The following CPOX variants were observed in gnomAD, a reference collection of about 807,000 sequenced individuals.
CPOX encodes the protein coproporphyrinogen oxidase, also known as oxygen-dependent coproporphyrinogen-III oxidase, mitochondrial.
In CPOX, 24 loss-of-function variants were observed where a neutral mutation model predicts 48.9. The ratio of observed to expected loss-of-function variants is 0.49; its 90% CI spans 0.36 to 0.69. The LOEUF (loss-of-function observed/expected upper bound fraction) is 0.69. CPOX is among the 30% of genes least tolerant of loss of function. The pLI is 0.00. For missense variants in CPOX, 549 were observed against 597.3 expected, an observed-to-expected ratio of 0.92 and a Z score of 0.84; for synonymous variants, 249 against 234.6, an observed-to-expected ratio of 1.06 and a Z score of -0.56.
downstream of CPOX, among the ~76,000 whole-genome samples, chr3:98,576,560 T>C (rs1238826082): frequency 6.6e-6 from 1 of 152,226 alleles, no homozygotes; most frequent in Non-Finnish European, 1.5e-5. Flanking sequence ...TACAAGGGAA[T>C]TTAGTCAAGC....
In CPOX at chr3:98,593,444, A is replaced by C; in HGVS notation, c.61T>G (p.Cys21Gly). Residue 21 changes from cysteine to glycine, a missense_variant, in exon 1 of 7, where the codon TGC (cysteine) becomes GGC (glycine). Transcript: ENST00000647941. The part of the protein sequence containing the change: ...GPCWLVARGG[C>G]GGPRAWSQCG... ...TGGGACCAGGCGCGGGGCCCTCCGC[A>C]GCCGCCCCGCGCCACGAGCCAGCAG... The C allele has an allele frequency of 6.7e-7, 1 of 1,489,118 alleles. No homozygotes were observed. The highest frequency in any genetic ancestry group is 8.9e-7 in the Non-Finnish European group (1 of 1,126,160). The allele number at this position is 1,489,118 out of a possible 1,614,324, so 92.2% of individuals were successfully genotyped here.
intron 4 of CPOX, 90 bp downstream of exon 4, chr3:98,588,623 G>A: frequency 7.4e-7 from 1 of 1,357,290 alleles, no homozygotes; most frequent in Non-Finnish European, 1.1e-6. Flanking sequence ...ATTTTCATAA[G>A]CAGAAGAGGG....
At chr3:98,584,404 C>G (rs116091194) in intron 5 of CPOX, among the ~76,000 whole-genome samples, 5,832 of 152,190 alleles carry the variant, frequency 0.038, 337 homozygotes, top group African/African-American at 0.13. Flanking sequence ...TTCCAAAATA[C>G]ATGCATTCTT....
chr3:98,585,761 C>A, intron 4 of CPOX, 102 bp from the exon 5 acceptor site: 1 of 900,226 alleles, frequency 1.1e-6, no homozygotes, highest in Non-Finnish European at 1.8e-6. Flanking sequence ...CAACTAATGT[C>A]AGGATGGTGT....
At chr3:98,578,415 C>CA (rs1707193002), downstream of CPOX, 1 of 162,350 alleles carries the variant, frequency 6.2e-6, no homozygotes, top group Admixed American at 6.5e-5. Flanking sequence ...TTGATCTGAA[C>CA]ATTTGTTCCT....
chr3:98,581,051 A>G (rs2107113329), intron 6 of CPOX, among the ~76,000 whole-genome samples: 1 of 152,266 alleles, frequency 6.6e-6, no homozygotes, highest in Middle Eastern at 3.4e-3. Context: ...CATATAGTGT[A>G]GAAACTCAGG....
downstream of CPOX, among the ~76,000 whole-genome samples, chr3:98,574,689 C>T (rs1707133934): frequency 6.6e-6 from 1 of 152,208 alleles, no homozygotes; most frequent in Admixed American, 6.5e-5. Context: ...TCAAGCGATT[C>T]TCCTGCCTCA....
At chr3:98,586,706 A>C (rs1160328108) in intron 4 of CPOX, among the ~76,000 whole-genome samples, 1 of 152,096 alleles carries the variant, frequency 6.6e-6, no homozygotes, top group Non-Finnish European at 1.5e-5. Flanking sequence ...GCACTTTGGG[A>C]GGCCGAGGCA....
In CPOX at chr3:98,580,514, T is replaced by C. The variant is rs73858716; in HGVS notation, c.*169A>G. 2.9e-4 allele frequency: 425 copies of C among 1,463,698 alleles called. No individual in the cohort carries two copies. In the African/African-American group the frequency reaches 4.3e-3, roughly 15 times the overall value. The allele number at this position is 1,463,698 out of a possible 1,614,324, so 90.7% of individuals were successfully genotyped here. A position where few individuals can be genotyped will look rare whatever the true frequency, so the allele number is the denominator to read the frequency against. Reference sequence around the variant, plus strand: ...CTCTGACAATCTGCCATCTCACCATTCATCACTGACAGCATCCAAAACATG... The same window carrying C: ...CTCTGACAATCTGCCATCTCACCATCCATCACTGACAGCATCCAAAACATG... On this transcript the variant is annotated 3_prime_UTR_variant, in exon 7 of 7. Transcript: ENST00000647941.
At chr3:98,578,724 A>G (rs531176672), downstream of CPOX, among the ~76,000 whole-genome samples, 32 of 152,322 alleles carry the variant, frequency 2.1e-4, no homozygotes, top group African/African-American at 7.5e-4. Context: ...TTCACTTGGC[A>G]TAATGTTTCT....
Position 98,592,989 on chromosome 3 carries a change from C to T in CPOX, c.516G>A (p.Gly172=). 6.2e-7 allele frequency: 1 copy of T among 1,613,774 alleles called. No individual in the cohort carries two copies. The highest frequency in any genetic ancestry group is 8.5e-7 in the Non-Finnish European group (1 of 1,179,902). ...QVCQALAQVD[G]GANFSVDRWE... ...ACCGGTCCACAGAAAAGTTGGCGCC[C>T]CCGTCTACCTGTGCCAGAGCCTGGC... Residue 172 remains glycine, a synonymous_variant, in exon 1 of 7, where the codon GGG becomes GGA. Coordinates refer to ENST00000647941, the MANE Select transcript of CPOX (RefSeq NM_000097.7).
intron 5 of CPOX, among the ~76,000 whole-genome samples, chr3:98,581,960 T>C (rs909342249): frequency 1.3e-5 from 2 of 152,206 alleles, no homozygotes; most frequent in Non-Finnish European, 2.9e-5. Flanking sequence ...GGTGTAAAAC[T>C]TCTGACCTGA....
At position 98,579,854 on chromosome 3, in the gene CPOX, T is replaced by C. The variant is rs368611278; in HGVS notation, c.*829A>G. 1.0e-5 allele frequency: 10 copies of C among 985,408 alleles called. No individual in the cohort carries two copies. The African/African-American group carries it at 1.7e-4, about 17-fold the overall frequency. The allele number at this position is 985,408 out of a possible 1,614,324, so 61.0% of individuals were successfully genotyped here. ...CATTTTCCAAATGAGAAACATTGCC[T>C]AAATTCATGACATCCCTAGGATTAT... On this transcript the variant is annotated 3_prime_UTR_variant, in exon 7 of 7. Transcript: ENST00000647941.
chr3:98,574,903 A>G (rs116110550), downstream of CPOX, among the ~76,000 whole-genome samples: 4,287 of 152,284 alleles, frequency 0.028, 102 homozygotes, highest in East Asian at 0.1. Context: ...ATTAATTTAA[A>G]TGGTCTTTGA....
intron 4 of CPOX, among the ~76,000 whole-genome samples, chr3:98,587,955 G>A (rs1707397956): frequency 6.6e-6 from 1 of 152,150 alleles, no homozygotes. Flanking sequence ...CCATGGCTGT[G>A]TAGTTTTCAG....
intron 3 of CPOX, 21 bp from the exon 4 acceptor site, chr3:98,588,875 A>T: frequency 6.2e-7 from 1 of 1,614,066 alleles, no homozygotes; most frequent in Non-Finnish European, 8.5e-7. Flanking sequence ...AAGACATGGG[A>T]TTCTAATGTG....
chr3:98,582,674 G>A (rs769777859), intron 5 of CPOX, among the ~76,000 whole-genome samples: 63 of 152,122 alleles, frequency 4.1e-4, no homozygotes, highest in Admixed American at 1.2e-3. Context: ...TGTATTTTTA[G>A]TAGAGACGAG....
At chr3:98,581,595 G>A (rs1707260377) in intron 5 of CPOX, 84 bp from the exon 6 acceptor site, 1 of 1,122,734 alleles carries the variant, frequency 8.9e-7, no homozygotes, top group African/African-American at 1.5e-5. Flanking sequence ...AAAAAGGGGT[G>A]GGTTCTTCCC....
At chr3:98,572,136 C>T in the CPOX span, among the ~76,000 whole-genome samples, 38 of 152,324 alleles carry the variant, frequency 2.5e-4, no homozygotes, top group East Asian at 1.2e-3. Context: ...CTTGCTCTGT[C>T]AGGGACTGAG....
Sources: allele counts gnomAD v4.1 joint callset (sites outside exome capture counted in the v4.1 genomes callset), GRCh38; gene constraint gnomAD v4.1.1; transcripts MANE v1.5; gene names NCBI Gene and HGNC (gene_info 2026-07-23, HGNC 2026-07-21).